LRP1B: variants seen among roughly 807,000 people sequenced by gnomAD.
The protein encoded by LRP1B is low-density lipoprotein receptor-related protein 1B.
In LRP1B, 217 loss-of-function variants were observed where a neutral mutation model predicts 556.6. The observed-to-expected ratio is 0.39, with a 90% CI of 0.35 to 0.44. The LOEUF (loss-of-function observed/expected upper bound fraction) is 0.44, where lower values mean the gene tolerates loss of function less well. LRP1B is among the 20% of genes least tolerant of loss of function. The pLI, the probability that LRP1B is intolerant of heterozygous loss-of-function variation, is 1.00. For synonymous variants in LRP1B, 2,047 were observed against 1,865.8 expected, an observed-to-expected ratio of 1.10 and a Z score of -2.50; for missense variants, 5,053 against 5,620.8, an observed-to-expected ratio of 0.90 and a Z score of 3.23.
intron 7 of LRP1B, among the ~76,000 whole-genome samples, chr2:141,077,192 G>A (rs968497992): frequency 6.6e-6 from 1 of 152,154 alleles, no homozygotes; most frequent in African/African-American, 2.4e-5. Context: ...AGGTTGCAGT[G>A]AGCTGAGATT....
chr2:141,314,742 G>C (rs920895096), intron 3 of LRP1B, among the ~76,000 whole-genome samples: 2 of 148,850 alleles, frequency 1.3e-5, no homozygotes, highest in African/African-American at 5.0e-5. Flanking sequence ...AGTGAGCCGA[G>C]ATGGCGCCAC....
rs1558977499 is a variant in LRP1B at position 141,278,781 on chromosome 2, G to A, written c.344-24140C>T. Among the ~76,000 whole-genome samples, 2 of 152,126 alleles carry A rather than the reference G, an allele frequency of 1.3e-5. 1 individual carries two copies. Among genetic ancestry groups the A allele is most frequent in the South Asian group, 4.1e-4 (2 of 4,830 alleles). ...TGACTTCTGCCTAAACTGGTCTTCT[G>A]TTTATCTTTTGGGGGTAAAATATCC... On this transcript the variant is annotated intron_variant, in intron 3 of 90. Transcript: ENST00000389484.
At chr2:141,053,733 A>C (rs1377048167) in intron 10 of LRP1B, among the ~76,000 whole-genome samples, 1 of 152,010 alleles carries the variant, frequency 6.6e-6, no homozygotes, top group Non-Finnish European at 1.5e-5. Context: ...CAGGTGATGT[A>C]CTACATTAGG....
At chr2:140,455,849 C>A (rs553364283) in intron 62 of LRP1B, among the ~76,000 whole-genome samples, 1 of 152,136 alleles carries the variant, frequency 6.6e-6, no homozygotes, top group South Asian at 2.1e-4. Flanking sequence ...GATAGTGGCT[C>A]ACGTGTTACA....
rs190799811 is a variant in LRP1B at position 141,687,622 on chromosome 2, G to A, written c.205+122657C>T. 7.9e-5 allele frequency among the ~76,000 whole-genome samples: 12 copies of A among 151,984 alleles called. No individual in the cohort carries two copies. The East Asian group carries it at 2.3e-3, about 29-fold the overall frequency. On this transcript the variant is annotated intron_variant, in intron 2 of 90. Transcript: ENST00000389484. ...AGATAGAGGAGTAAAGCATTAATGGGTTAATAGAAACTTCTCCTGTTCCAT... is the reference window on the plus strand; with the variant it reads ...AGATAGAGGAGTAAAGCATTAATGGATTAATAGAAACTTCTCCTGTTCCAT...
Position 141,524,098 on chromosome 2 carries a change from T to C in LRP1B, c.206-43565A>G, listed in dbSNP as rs1014603926. On this transcript the variant is annotated intron_variant, in intron 2 of 90. Coordinates refer to ENST00000389484, the MANE Select transcript of LRP1B (RefSeq NM_018557.3). ...CAATTTAAGGGCACTTAAAGTATCTTATAGCTTTTAGTGAACTTAACTTTC... is the reference window on the plus strand; with the variant it reads ...CAATTTAAGGGCACTTAAAGTATCTCATAGCTTTTAGTGAACTTAACTTTC... Among the ~76,000 whole-genome samples the C allele has an allele frequency of 4.6e-5, 7 of 152,222 alleles. No individual in the cohort carries two copies. The East Asian group carries it at 1.4e-3, about 29-fold the overall frequency.
At chr2:140,642,174 C>T (rs1056021323) in intron 41 of LRP1B, among the ~76,000 whole-genome samples, 6 of 152,082 alleles carry the variant, frequency 3.9e-5, no homozygotes, top group Non-Finnish European at 7.4e-5. Flanking sequence ...GTTGTCAGTG[C>T]CAAATTGCCA....
chr2:141,890,886 C>A (rs1027467202), intron 1 of LRP1B, among the ~76,000 whole-genome samples: 3 of 152,100 alleles, frequency 2.0e-5, no homozygotes, highest in Non-Finnish European at 4.4e-5. Context: ...ATTGTTTATG[C>A]ATTATTACAA....
At chr2:142,104,025 A>C (rs1706658356) in intron 1 of LRP1B, among the ~76,000 whole-genome samples, 1 of 152,152 alleles carries the variant, frequency 6.6e-6, no homozygotes, top group Non-Finnish European at 1.5e-5. Context: ...CCAAATCTTT[A>C]ATCAAGCAAC....
intron 41 of LRP1B, among the ~76,000 whole-genome samples, chr2:140,620,601 A>T (rs868155401): frequency 3.8e-4 from 58 of 152,140 alleles, no homozygotes; most frequent in African/African-American, 1.4e-3. Flanking sequence ...TTCTGTGGAT[A>T]TGTATTTAAG....
chr2:141,003,222 C>T (rs1697476442), intron 15 of LRP1B, among the ~76,000 whole-genome samples: 1 of 151,864 alleles, frequency 6.6e-6, no homozygotes, highest in Admixed American at 6.6e-5. Flanking sequence ...GTTTGAAAGG[C>T]AGTCATTAAA....
chr2:140,542,118 G>T, intron 43 of LRP1B, 147 bp from the exon 44 acceptor site: 1 of 530,964 alleles, frequency 1.9e-6, no homozygotes, highest in Non-Finnish European at 3.2e-6. Flanking sequence ...TTTACTAAAT[G>T]AATTATGATA....
intron 1 of LRP1B, among the ~76,000 whole-genome samples, chr2:141,851,399 A>G (rs1038716818): frequency 6.6e-6 from 1 of 151,714 alleles, no homozygotes; most frequent in Non-Finnish European, 1.5e-5. Flanking sequence ...CATAAATGCT[A>G]TTTCCTATTC....
chr2:141,074,555 C>A (rs1699731005), intron 7 of LRP1B, among the ~76,000 whole-genome samples: 1 of 109,470 alleles, frequency 9.1e-6, no homozygotes, highest in Non-Finnish European at 1.9e-5. Flanking sequence ...AGTTCTTTCT[C>A]TTTCTGTCTC....
At chr2:140,349,260 G>A (rs1405279182) in intron 77 of LRP1B, among the ~76,000 whole-genome samples, 2 of 151,978 alleles carry the variant, frequency 1.3e-5, no homozygotes, top group Non-Finnish European at 2.9e-5. Context: ...ACTTTTCTCT[G>A]AAAAATTATG....
chr2:141,229,052 C>T (rs1683361130), intron 6 of LRP1B, 131 bp downstream of exon 6: 1 of 846,570 alleles, frequency 1.2e-6, no homozygotes, highest in African/African-American at 1.7e-5. Context: ...TACAGTAATT[C>T]AAGTTCATTG....
rs896238768 is a variant in LRP1B, at chr2:141,848,969, A to T, written c.83-38568T>A. On this transcript the variant is annotated intron_variant, in intron 1 of 90. Coordinates refer to ENST00000389484, the MANE Select transcript of LRP1B (RefSeq NM_018557.3). ...ATGAGTGAATGAAGATTATCATCAG[A>T]TAAATTCTGTGTGTCCAAGATCCTA... 5.9e-5 allele frequency among the ~76,000 whole-genome samples: 9 copies of T among 151,616 alleles called. No homozygotes were observed. In the East Asian group the frequency reaches 1.7e-3, roughly 29 times the overall value.
At chr2:140,841,489 C>A (rs1284480414) in intron 29 of LRP1B, among the ~76,000 whole-genome samples, 3 of 152,082 alleles carry the variant, frequency 2.0e-5, no homozygotes, top group Non-Finnish European at 4.4e-5. Flanking sequence ...AACAAATGGG[C>A]TATTTTATGT....
chr2:140,286,801 T>G (rs1037714750), intron 84 of LRP1B, among the ~76,000 whole-genome samples: 1 of 151,800 alleles, frequency 6.6e-6, no homozygotes, highest in African/African-American at 2.4e-5. Flanking sequence ...ATATATATTA[T>G]CATCATAAGC....
Sources: allele counts gnomAD v4.1 joint callset (sites outside exome capture counted in the v4.1 genomes callset), GRCh38; gene constraint gnomAD v4.1.1; transcripts MANE v1.5; gene names NCBI Gene and HGNC (gene_info 2026-07-23, HGNC 2026-07-21).